CHL1: variants seen among roughly 807,000 people sequenced by gnomAD.
CHL1 encodes neural cell adhesion molecule L1-like protein.
CHL1 carries 96 observed loss-of-function variants against 141.9 expected under a neutral mutation model. The observed-to-expected ratio is 0.68, with a 90% confidence interval of 0.57 to 0.80. CHL1 has a LOEUF of 0.80. Among genes scored for constraint, CHL1 ranks in the 30% least tolerant of loss-of-function variants. The pLI is 0.00. For synonymous variants in CHL1, 613 were observed against 502.2 expected, an observed-to-expected ratio of 1.22 and a Z score of -2.95; for missense variants, 1,820 against 1,457.2, an observed-to-expected ratio of 1.25 and a Z score of -4.05.
At chr3:216,669 A>G (rs115397235) in intron 1 of CHL1, among the ~76,000 whole-genome samples, 2 of 152,302 alleles carry the variant, frequency 1.3e-5, no homozygotes, top group African/African-American at 4.8e-5. Context: ...TGGTAGACTT[A>G]TTTCTTCTGT....
At position 389,282 on chromosome 3, in the gene CHL1, G is replaced by T; in HGVS notation, c.2278G>T (p.Gly760Cys). 6.2e-7 allele frequency: 1 copy of T among 1,612,876 alleles called. No homozygotes were observed. Among genetic ancestry groups the T allele is most frequent in the South Asian group, 1.1e-5 (1 of 90,820 alleles). Residue 760 changes from glycine to cysteine, a missense_variant, in exon 20 of 28, where the codon GGC becomes TGC. Coordinates refer to ENST00000256509, the MANE Select transcript of CHL1 (RefSeq NM_006614.4). ...PLKSMEQNGP[G>C]LEYRVTWKPQ... ...GAAATCCATGGAGCAGAATGGACCA[G>T]GCCTAGAGTACAGAGTGACCTGGAA...
intron 2 of CHL1, among the ~76,000 whole-genome samples, chr3:253,947 A>C (rs754776123): frequency 7.9e-5 from 12 of 152,152 alleles, no homozygotes; most frequent in Non-Finnish European, 1.6e-4. Flanking sequence ...ATCATGTTAG[A>C]TATTATATAC....
At chr3:284,543 A>G (rs903721400) in intron 2 of CHL1, among the ~76,000 whole-genome samples, 18 of 152,352 alleles carry the variant, frequency 1.2e-4, no homozygotes, top group Middle Eastern at 3.4e-3. Context: ...GTTTTATGAC[A>G]ATGCCGTGAA....
chr3:289,598 T>G (rs920453386), intron 2 of CHL1, among the ~76,000 whole-genome samples: 2 of 152,186 alleles, frequency 1.3e-5, no homozygotes, highest in Non-Finnish European at 2.9e-5. Context: ...TGCACGACTC[T>G]GGCCACATTT....
chr3:287,074 G>A (rs1245070936), intron 2 of CHL1, among the ~76,000 whole-genome samples: 1 of 152,128 alleles, frequency 6.6e-6, no homozygotes, highest in Non-Finnish European at 1.5e-5. Flanking sequence ...TTCTGGGAAT[G>A]CAGCCCAGTA....
intron 1 of CHL1, among the ~76,000 whole-genome samples, chr3:210,848 G>A (rs994431497): frequency 2.0e-5 from 3 of 152,200 alleles, no homozygotes; most frequent in Non-Finnish European, 2.9e-5. Context: ...ATGACTGTGA[G>A]AAAGAAGAGT....
intron 1 of CHL1, among the ~76,000 whole-genome samples, chr3:243,724 T>C (rs1445500329): frequency 1.3e-5 from 2 of 152,202 alleles, no homozygotes; most frequent in Non-Finnish European, 2.9e-5. Context: ...TTTTCAGCCA[T>C]CCTTCCTTTT....
rs572758119 is a variant in CHL1, at chr3:223,956, G to T, written c.-174-20657G>T. Among the ~76,000 whole-genome samples, 17 of 152,250 alleles carry T rather than the reference G, an allele frequency of 1.1e-4. 1 individual carries two copies. The South Asian group carries it at 1.7e-3, about 15-fold the overall frequency. ...AGATCCTGGTGGAGTCAGCTGGCCT[G>T]CCCAAATGCAAGAGTCTGAAAAATA... On this transcript the variant is annotated intron_variant, in intron 1 of 27. Transcript: ENST00000256509.
At chr3:399,201 A>T in intron 26 of CHL1, 53 bp downstream of exon 26, 1 of 1,490,386 alleles carries the variant, frequency 6.7e-7, no homozygotes, top group Non-Finnish European at 9.3e-7. Context: ...ATTTTCTGGG[A>T]AGCATTCTTC....
At chr3:357,368 T>G (rs948039413) in intron 11 of CHL1, among the ~76,000 whole-genome samples, 9 of 152,220 alleles carry the variant, frequency 5.9e-5, no homozygotes, top group Admixed American at 1.3e-4. Context: ...TCAAAATGAT[T>G]GCTATTATTG....
chr3:377,970 G>C (rs1351017222), intron 16 of CHL1, 28 bp downstream of exon 16: 2 of 1,571,954 alleles, frequency 1.3e-6, no homozygotes, highest in Admixed American at 1.8e-5. Flanking sequence ...TGAGAAATCT[G>C]TTCATTTCTT....
chr3:339,253 T>C (rs975111869), intron 5 of CHL1, among the ~76,000 whole-genome samples: 19 of 152,230 alleles, frequency 1.2e-4, no homozygotes, highest in African/African-American at 4.6e-4. Context: ...CTTATGTCTA[T>C]AAGGTGTACT....
chr3:198,203 TG>T, intron 1 of CHL1: 1 of 168,108 alleles, frequency 5.9e-6, no homozygotes, highest in East Asian at 1.8e-4. Flanking sequence ...AGGGCAGGTG[TG>T]CGTCGGCAGG....
intron 1 of CHL1, among the ~76,000 whole-genome samples, chr3:222,016 A>G (rs992205294): frequency 6.6e-6 from 1 of 152,262 alleles, no homozygotes; most frequent in Non-Finnish European, 1.5e-5. Flanking sequence ...GAATAAAGGC[A>G]GCATATATTT....
chr3:357,416 A>T (rs1703817162), intron 11 of CHL1, among the ~76,000 whole-genome samples: 1 of 152,170 alleles, frequency 6.6e-6, no homozygotes, highest in Non-Finnish European at 1.5e-5. Context: ...TTTGCATATG[A>T]TATTTCTGAA....
chr3:231,972 G>C (rs943899488), intron 1 of CHL1, among the ~76,000 whole-genome samples: 1 of 151,984 alleles, frequency 6.6e-6, no homozygotes, highest in Non-Finnish European at 1.5e-5. Flanking sequence ...TTAATGAATG[G>C]TTTCCAACAT....
chr3:356,740 G>C (rs7628476), intron 11 of CHL1, among the ~76,000 whole-genome samples: 1 of 151,840 alleles, frequency 6.6e-6, no homozygotes, highest in East Asian at 1.9e-4. Context: ...GGAGAAAAGA[G>C]GTGAGTGTGA....
chr3:205,164 A>T (rs111488517), intron 1 of CHL1, among the ~76,000 whole-genome samples: 1 of 142,062 alleles, frequency 7.0e-6, no homozygotes, highest in African/African-American at 2.6e-5. Context: ...GCGCTGGAGT[A>T]CAGTGGTATG....
At chr3:353,780 A>G (rs370652008) in intron 10 of CHL1, among the ~76,000 whole-genome samples, 1 of 152,214 alleles carries the variant, frequency 6.6e-6, no homozygotes, top group Non-Finnish European at 1.5e-5. Context: ...GGAAATAACC[A>G]AACTACACTT....
Sources: gnomAD v4.1 joint callset for allele counts (sites outside exome capture counted in the v4.1 genomes callset) on GRCh38, gnomAD v4.1.1 for gene constraint, MANE v1.5 for transcripts, NCBI Gene and HGNC (gene_info 2026-07-23, HGNC 2026-07-21) for gene names.